The following DNAJC15 variants were observed in gnomAD, a reference collection of about 807,000 sequenced individuals.
DNAJC15 encodes dnaJ homolog subfamily C member 15.
Under a neutral mutation model 22.4 loss-of-function variants are expected in DNAJC15, and 27 were observed. That is an observed-to-expected ratio of 1.20 (90% CI 0.89 to 1.66). The LOEUF is 1.66. Ranked by LOEUF, DNAJC15 falls within the 40% of genes most tolerant of loss-of-function variation. DNAJC15 has a pLI of 0.00. For missense variants in DNAJC15, 208 were observed against 187.1 expected (o/e 1.11, Z -0.65); for synonymous variants, 79 against 63.2 (o/e 1.25, Z -1.19).
At chr13:43,065,198 G>T (rs2040577866) in intron 1 of DNAJC15, among the ~76,000 whole-genome samples, 1 of 152,176 alleles carries the variant, frequency 6.6e-6, no homozygotes, top group African/African-American at 2.4e-5. Context: ...CTAGAAGGTA[G>T]ACCTTAACTT....
At chr13:43,030,908 C>G (rs1390352184) in intron 1 of DNAJC15, among the ~76,000 whole-genome samples, 1 of 152,094 alleles carries the variant, frequency 6.6e-6, no homozygotes, top group Admixed American at 6.5e-5. Flanking sequence ...TGCTTGATTT[C>G]GTAGGAATGA....
chr13:43,092,330 T>C (rs2153441884), intron 5 of DNAJC15, among the ~76,000 whole-genome samples: 1 of 152,268 alleles, frequency 6.6e-6, no homozygotes, highest in South Asian at 2.1e-4. Context: ...GGTATATCTT[T>C]TTTCCATCTT....
chr13:43,066,236 C>T (rs1222021384), intron 2 of DNAJC15, among the ~76,000 whole-genome samples: 2 of 150,716 alleles, frequency 1.3e-5, no homozygotes, highest in South Asian at 2.1e-4. Context: ...TTACGTTTTT[C>T]GAAAGAATAG....
intron 1 of DNAJC15, among the ~76,000 whole-genome samples, chr13:43,058,759 G>T (rs978584943): frequency 6.6e-6 from 1 of 152,192 alleles, no homozygotes; most frequent in Non-Finnish European, 1.5e-5. Context: ...GGACCCCTGT[G>T]AGATAAAGTC....
chr13:43,043,328 G>A (rs1023518325), intron 1 of DNAJC15, among the ~76,000 whole-genome samples: 2 of 152,038 alleles, frequency 1.3e-5, no homozygotes, highest in East Asian at 1.9e-4. Flanking sequence ...GACTGGTCTC[G>A]AACTCCTGAC....
At chr13:43,039,451 A>G (rs1409411195) in intron 1 of DNAJC15, among the ~76,000 whole-genome samples, 4 of 152,206 alleles carry the variant, frequency 2.6e-5, no homozygotes, top group Non-Finnish European at 5.9e-5. Flanking sequence ...AAAAGTTTCC[A>G]GAAAAGGTCA....
chr13:43,082,824 T>C (rs117641924), intron 4 of DNAJC15, among the ~76,000 whole-genome samples: 3 of 150,916 alleles, frequency 2.0e-5, no homozygotes, highest in East Asian at 1.9e-4. Context: ...AAAAATACAA[T>C]GGTTCAGCAG....
At chr13:43,057,532 G>T (rs749488596) in intron 1 of DNAJC15, among the ~76,000 whole-genome samples, 1 of 151,868 alleles carries the variant, frequency 6.6e-6, no homozygotes, top group Admixed American at 6.6e-5. Context: ...CTTTAAGTTG[G>T]TTTTCACTTT....
intron 3 of DNAJC15, among the ~76,000 whole-genome samples, chr13:43,075,974 C>T (rs1343552952): frequency 6.6e-6 from 1 of 152,094 alleles, no homozygotes; most frequent in East Asian, 1.9e-4. Flanking sequence ...TTACTTCTTT[C>T]CATTTGTATC....
intron 1 of DNAJC15, among the ~76,000 whole-genome samples, chr13:43,062,227 A>G (rs1227417479): frequency 6.6e-6 from 1 of 152,232 alleles, no homozygotes. Flanking sequence ...TCCAGAACTC[A>G]GTGAGAGTTG....
intron 1 of DNAJC15, among the ~76,000 whole-genome samples, chr13:43,058,755 C>T (rs1397300282): frequency 6.6e-6 from 1 of 152,198 alleles, no homozygotes; most frequent in Non-Finnish European, 1.5e-5. Context: ...CGAAGGACCC[C>T]TGTGAGATAA....
At chr13:43,046,791 T>C (rs2040479299) in intron 1 of DNAJC15, among the ~76,000 whole-genome samples, 1 of 152,216 alleles carries the variant, frequency 6.6e-6, no homozygotes, top group Non-Finnish European at 1.5e-5. Context: ...CCACCGCTGC[T>C]GTTTGCTGCC....
chr13:43,078,507 C>T, intron 3 of DNAJC15, 105 bp from the exon 4 acceptor site: 1 of 805,574 alleles, frequency 1.2e-6, no homozygotes, highest in Non-Finnish European at 1.9e-6. Context: ...TTTGAGTTGA[C>T]TTCTAGTAAA....
At chr13:43,027,281 A>G (rs559858407) in intron 1 of DNAJC15, among the ~76,000 whole-genome samples, 1 of 152,258 alleles carries the variant, frequency 6.6e-6, no homozygotes, top group Admixed American at 6.5e-5. Context: ...CATGTGCTAG[A>G]TGTGCAGGTT....
intron 1 of DNAJC15, among the ~76,000 whole-genome samples, chr13:43,035,338 G>GAACA (rs2040424319): frequency 1.3e-5 from 2 of 152,142 alleles, no homozygotes; most frequent in African/African-American, 2.4e-5. Context: ...CAGGTCAAGT[G>GAACA]AACAGTAAAG....
In DNAJC15 at chr13:43,078,612, A is replaced by T. The variant is rs769551784; in HGVS notation, c.235A>T (p.Ser79Cys). 10 of 1,612,430 alleles carry T rather than the reference A, an allele frequency of 6.2e-6. No homozygotes were observed. Among genetic ancestry groups the T allele is most frequent in the Non-Finnish European group, 7.6e-6 (9 of 1,178,972 alleles). The change falls in exon 4 of 6, where the codon AGC (serine) becomes TGC (cysteine). Residue 79 changes from serine (S) to cysteine (C), a missense_variant and splice_region_variant. Coordinates refer to ENST00000379221, the MANE Select transcript of DNAJC15 (RefSeq NM_013238.3). ...TTCTTGCTCTTTCTTTCCTATACAGAGCTTTTCATCCTACTATAAAGGAGG... is the reference window on the plus strand; with the variant it reads ...TTCTTGCTCTTTCTTTCCTATACAGTGCTTTTCATCCTACTATAAAGGAGG... ...TETAKKISTP[S>C]FSSYYKGGFE...
intron 1 of DNAJC15, among the ~76,000 whole-genome samples, chr13:43,062,805 G>A (rs373592266): frequency 2.0e-5 from 3 of 150,442 alleles, no homozygotes; most frequent in Admixed American, 2.0e-4. Context: ...TGCACCCTCC[G>A]CCTCCTGGGT....
At chr13:43,097,358 A>T (rs74063475) in intron 5 of DNAJC15, among the ~76,000 whole-genome samples, 2,544 of 152,334 alleles carry the variant, frequency 0.017, 82 homozygotes, top group East Asian at 0.1. Flanking sequence ...CAGCTGGAGC[A>T]TAGGAAGCAA....
intron 1 of DNAJC15, among the ~76,000 whole-genome samples, chr13:43,059,382 CT>C (rs1566206578): frequency 6.6e-6 from 1 of 151,978 alleles, no homozygotes; most frequent in Admixed American, 6.6e-5. Context: ...TCTTCTCTTT[CT>C]TTTTTTGGAG....
Sources: gnomAD v4.1 joint callset for allele counts (sites outside exome capture counted in the v4.1 genomes callset) on GRCh38, gnomAD v4.1.1 for gene constraint, MANE v1.5 for transcripts, NCBI Gene and HGNC (gene_info 2026-07-23, HGNC 2026-07-21) for gene names.